The following COL24A1 variants were observed in gnomAD, a reference collection of about 807,000 sequenced individuals.
The protein encoded by COL24A1 is collagen type XXIV alpha 1 chain.
A neutral mutation model predicts 253.9 loss-of-function variants in COL24A1; 224 were observed. That is an observed-to-expected ratio of 0.88 (90% CI 0.79 to 0.99). COL24A1 has a LOEUF of 0.99. Among genes scored for constraint, COL24A1 ranks in the 50% least tolerant of loss-of-function variants. The pLI, the probability that COL24A1 is intolerant of heterozygous loss-of-function variation, is 0.00. For synonymous variants in COL24A1, 685 were observed against 673.7 expected (o/e 1.02, Z -0.26); for missense variants, 2,131 against 2,068.5 (o/e 1.03, Z -0.59).
chr1:86,062,832 G>A (rs1013607954), intron 8 of COL24A1, among the ~76,000 whole-genome samples: 2 of 152,084 alleles, frequency 1.3e-5, no homozygotes, highest in African/African-American at 4.8e-5. Context: ...TTGTGCTTCA[G>A]GGACTGAACA....
chr1:85,732,596 A>ATTACTTTAATTTTTATTTATTTT (rs1663614232), intron 59 of COL24A1, among the ~76,000 whole-genome samples: 1 of 152,052 alleles, frequency 6.6e-6, no homozygotes, highest in Admixed American at 6.5e-5. Context: ...AATTAGCTGC[A>ATTACTTTAATTTTTATTTATTTT]TTACTTTAAT....
intron 7 of COL24A1, among the ~76,000 whole-genome samples, chr1:86,077,466 G>A (rs1393795799): frequency 2.0e-5 from 3 of 152,120 alleles, no homozygotes; most frequent in Admixed American, 1.3e-4. Context: ...AATATCATTT[G>A]ACCCAGCAAT....
At chr1:85,737,533 T>G (rs60021908) in intron 57 of COL24A1, 28 bp from the exon 58 acceptor site, 3 of 1,417,144 alleles carry the variant, frequency 2.1e-6, no homozygotes, top group Admixed American at 1.8e-5. Context: ...AACATAAAGT[T>G]AAAGTTATTA....
At chr1:85,817,612 A>AT (rs1382770349) in intron 46 of COL24A1, among the ~76,000 whole-genome samples, 2 of 151,886 alleles carry the variant, frequency 1.3e-5, no homozygotes, top group Non-Finnish European at 2.9e-5. Context: ...AAAAGATTAA[A>AT]TTTTTTTTCC....
chr1:85,991,950 G>A (rs149536584), intron 19 of COL24A1, among the ~76,000 whole-genome samples: 310 of 150,836 alleles, frequency 2.1e-3, no homozygotes, highest in African/African-American at 7.2e-3. Context: ...TAGAGTACAT[G>A]TGCACAATGT....
chr1:85,807,511 C>T (rs1240435548), intron 47 of COL24A1, among the ~76,000 whole-genome samples: 1 of 152,156 alleles, frequency 6.6e-6, no homozygotes, highest in Non-Finnish European at 1.5e-5. Flanking sequence ...TTGCACAGAT[C>T]TGTGGTGATG....
At chr1:85,747,037 C>A (rs1219940516) in intron 55 of COL24A1, among the ~76,000 whole-genome samples, 1 of 146,020 alleles carries the variant, frequency 6.8e-6, no homozygotes, top group African/African-American at 2.5e-5. Context: ...TCCTTTTGCA[C>A]TTTTAATAAA....
intron 24 of COL24A1, among the ~76,000 whole-genome samples, chr1:85,937,970 G>C (rs758726543): frequency 6.8e-6 from 1 of 147,388 alleles, no homozygotes; most frequent in African/African-American, 2.5e-5. Context: ...TATGCAAACA[G>C]TGCAGAAGTG....
intron 14 of COL24A1, among the ~76,000 whole-genome samples, chr1:86,024,076 A>T (rs923647221): frequency 6.6e-6 from 1 of 151,994 alleles, no homozygotes; most frequent in African/African-American, 2.4e-5. Flanking sequence ...CAAACTTTCC[A>T]GTCTCCTTTC....
intron 53 of COL24A1, among the ~76,000 whole-genome samples, chr1:85,765,334 T>C (rs1667243498): frequency 8.1e-6 from 1 of 122,854 alleles, no homozygotes; most frequent in Non-Finnish European, 1.7e-5. Flanking sequence ...TGAAAATTCA[T>C]GCTGAGATTG....
At chr1:85,763,968 G>C (rs1457840881) in intron 53 of COL24A1, among the ~76,000 whole-genome samples, 7 of 152,194 alleles carry the variant, frequency 4.6e-5, no homozygotes, top group Non-Finnish European at 8.8e-5. Context: ...AAAAATACGT[G>C]TAAGTGCATA....
At chr1:86,103,004 T>C (rs1367151287) in intron 5 of COL24A1, among the ~76,000 whole-genome samples, 2 of 152,336 alleles carry the variant, frequency 1.3e-5, no homozygotes, top group South Asian at 2.1e-4. Flanking sequence ...TATTATTGCA[T>C]GGGAATCTAA....
intron 25 of COL24A1, 33 bp downstream of exon 25, chr1:85,911,347 T>A (rs1471265373): frequency 1.3e-6 from 2 of 1,563,730 alleles, no homozygotes; most frequent in East Asian, 4.5e-5. Flanking sequence ...CTAGATTTCT[T>A]CCTATAAAAC....
chr1:85,896,172 T>C, intron 29 of COL24A1, 107 bp from the exon 30 acceptor site: 3 of 1,262,324 alleles, frequency 2.4e-6, no homozygotes, highest in South Asian at 1.4e-5. Context: ...AGTAAGTATA[T>C]AGTTCATTAT....
chr1:85,870,926 A>T (rs1680394760), intron 35 of COL24A1, among the ~76,000 whole-genome samples: 1 of 152,214 alleles, frequency 6.6e-6, no homozygotes, highest in Non-Finnish European at 1.5e-5. Flanking sequence ...TTTTGAAAAG[A>T]TCAACAAAAT....
In COL24A1 at chr1:85,849,366, C is replaced by A; in HGVS notation, c.3341G>T (p.Arg1114Leu). The stretch of plus-strand genomic sequence containing the variant: ...GTAAAAAATTACCTTTTTTCCTGGA[C>A]GACCTCTTTGCCCTGGAATTCCCAC... The part of the protein sequence containing the change: ...GIVGIPGQRG[R>L]PGKKGDKGQI... The change falls in exon 38 of 60, where the codon CGT becomes CTT. Residue 1114 changes from arginine (R) to leucine (L), a missense_variant. Transcript: ENST00000370571. 1 of 1,612,290 alleles carries A rather than the reference C, an allele frequency of 6.2e-7. No homozygotes were observed. The highest frequency in any genetic ancestry group is 2.2e-5 in the East Asian group (1 of 44,780).
At chr1:85,766,458 T>C (rs1343840800) in intron 53 of COL24A1, among the ~76,000 whole-genome samples, 1 of 146,524 alleles carries the variant, frequency 6.8e-6, no homozygotes, top group Admixed American at 6.8e-5. Flanking sequence ...AAACAGTCCA[T>C]AGGCAGGCAG....
At chr1:86,066,300 A>G (rs920951179) in intron 7 of COL24A1, among the ~76,000 whole-genome samples, 2 of 132,354 alleles carry the variant, frequency 1.5e-5, no homozygotes, top group East Asian at 2.2e-4. Flanking sequence ...GTGCAGTGGC[A>G]CGATCTCGGC....
chr1:86,121,922 T>C (rs1247651910), intron 3 of COL24A1, among the ~76,000 whole-genome samples: 1 of 152,044 alleles, frequency 6.6e-6, no homozygotes, highest in African/African-American at 2.4e-5. Context: ...ACTTCAAAGA[T>C]AAAGAACTGC....
Sources: allele counts gnomAD v4.1 joint callset (sites outside exome capture counted in the v4.1 genomes callset), GRCh38; gene constraint gnomAD v4.1.1; transcripts MANE v1.5; gene names NCBI Gene and HGNC (gene_info 2026-07-23, HGNC 2026-07-21).